DIAPH2: variants seen among roughly 807,000 people sequenced by gnomAD.
The protein encoded by DIAPH2 is diaphanous related formin 2, also known as protein diaphanous homolog 2.
A neutral mutation model predicts 92.7 loss-of-function variants in DIAPH2; 35 were observed. The observed-to-expected ratio is 0.38, with a 90% CI of 0.29 to 0.50. The LOEUF is 0.50. Among genes scored for constraint, DIAPH2 ranks in the 20% least tolerant of loss-of-function variants. The probability of loss-of-function intolerance (pLI) is 0.94; values close to 1 mark genes in which losing one functional copy is unlikely to be tolerated. For synonymous variants in DIAPH2, 301 were observed against 280.4 expected (o/e 1.07, Z -0.73); for missense variants, 701 against 819.5 (o/e 0.86, Z 1.77).
At chrX:96,959,978 A>T (rs1299178915) in intron 16 of DIAPH2, among the ~76,000 whole-genome samples, 1 of 111,127 alleles carries the variant, frequency 9.0e-6, no homozygotes, top group East Asian at 2.8e-4. Flanking sequence ...TGGTGTATAT[A>T]TCTCTTTTTA....
intron 17 of DIAPH2, among the ~76,000 whole-genome samples, chrX:96,990,286 T>C (rs956307322): frequency 6.2e-5 from 7 of 112,359 alleles, no homozygotes; most frequent in Non-Finnish European, 1.3e-4. Flanking sequence ...AGGGCTTTTG[T>C]TCTGGTTATT....
rs183208394 is a variant in DIAPH2 at position 96,750,248 on chromosome X, G to A, written c.343-7906G>A. ...TTGCCATGTCGGCCAGGCTGGTCTCGAACTCCTGACCTCAGGTGATCCGCC... is the reference window on the plus strand; with the variant it reads ...TTGCCATGTCGGCCAGGCTGGTCTCAAACTCCTGACCTCAGGTGATCCGCC... On this transcript the variant is annotated intron_variant, in intron 3 of 26. Transcript: ENST00000324765. Among the ~76,000 whole-genome samples, 348 of 109,624 alleles carry A rather than the reference G, an allele frequency of 3.2e-3. 2 individuals are homozygous for A. Among genetic ancestry groups the A allele is most frequent in the Non-Finnish European group, 5.2e-3 (274 of 52,649 alleles).
chrX:97,379,269 A>G (rs2147727902), intron 24 of DIAPH2, among the ~76,000 whole-genome samples: 1 of 111,682 alleles, frequency 9.0e-6, no homozygotes, highest in Admixed American at 9.5e-5. Flanking sequence ...TTATGTCCTC[A>G]TAACTTCCCC....
intron 26 of DIAPH2, among the ~76,000 whole-genome samples, chrX:97,483,744 T>C (rs2070668403): frequency 8.9e-6 from 1 of 111,925 alleles, no homozygotes; most frequent in Non-Finnish European, 1.9e-5. Flanking sequence ...ATTGAATGTG[T>C]CATACATATG....
chrX:96,767,080 C>G (rs909784874), intron 4 of DIAPH2, among the ~76,000 whole-genome samples: 1 of 111,606 alleles, frequency 9.0e-6, no homozygotes. Context: ...CCATTTCCAC[C>G]TACAGTAATA....
rs770780487 is a variant in DIAPH2 at position 97,389,803 on chromosome X, A to T, written c.3145+5759A>T. ...TCCCCTCAAGGAGTTCTGGGCTGGG[A>T]TGTTTAAGTGGATCTCGGAGAGTAG... On this transcript the variant is annotated intron_variant, in intron 25 of 26. Coordinates refer to ENST00000324765, the MANE Select transcript of DIAPH2 (RefSeq NM_006729.5). Among the ~76,000 whole-genome samples the T allele has an allele frequency of 1.5e-4, 16 of 110,310 alleles. No individual in the cohort carries two copies. The Admixed American group carries it at 1.6e-3, about 11-fold the overall frequency.
intron 17 of DIAPH2, among the ~76,000 whole-genome samples, chrX:97,035,783 C>A (rs2143037): frequency 2.7e-5 from 3 of 109,172 alleles, no homozygotes; most frequent in Non-Finnish European, 5.7e-5. Flanking sequence ...CTGAGATGGG[C>A]GGATTGCTTG....
chrX:96,952,359 T>A (rs1286323824), intron 15 of DIAPH2, among the ~76,000 whole-genome samples: 1 of 111,954 alleles, frequency 8.9e-6, no homozygotes, highest in South Asian at 3.7e-4. Flanking sequence ...CTTGTCTACC[T>A]ATGAGTGTTA....
At chrX:97,281,534 GGAGATCGAGAC>G (rs957259158) in intron 23 of DIAPH2, among the ~76,000 whole-genome samples, 1 of 110,986 alleles carries the variant, frequency 9.0e-6, no homozygotes, top group Admixed American at 9.7e-5. Flanking sequence ...CACGAGGTCA[GGAGATCGAGAC>G]CATCCTGGCT....
chrX:97,458,384 G>T (rs1424603150), intron 26 of DIAPH2, among the ~76,000 whole-genome samples: 1 of 103,508 alleles, frequency 9.7e-6, no homozygotes, highest in Non-Finnish European at 2.0e-5. Context: ...GATTACAGAT[G>T]TGAGCCACCA....
intron 4 of DIAPH2, among the ~76,000 whole-genome samples, chrX:96,821,326 ACT>A (rs2064776398): frequency 9.1e-6 from 1 of 109,454 alleles, no homozygotes; most frequent in African/African-American, 3.3e-5. Context: ...ATTCTCCTTC[ACT>A]CTTTTTTTTC....
intron 17 of DIAPH2, among the ~76,000 whole-genome samples, chrX:97,023,500 C>T (rs923449394): frequency 2.7e-5 from 3 of 111,323 alleles, no homozygotes; most frequent in Admixed American, 1.9e-4. Context: ...AAAATCGAAG[C>T]GTAAAGAGCT....
At chrX:96,731,422 T>C (rs2064054834) in intron 1 of DIAPH2, among the ~76,000 whole-genome samples, 1 of 111,727 alleles carries the variant, frequency 9.0e-6, no homozygotes, top group Non-Finnish European at 1.9e-5. Flanking sequence ...AGTCAAATAG[T>C]GCGAATACGT....
chrX:97,461,073 A>G (rs1044051384), intron 26 of DIAPH2, among the ~76,000 whole-genome samples: 2 of 111,775 alleles, frequency 1.8e-5, no homozygotes, highest in Non-Finnish European at 3.8e-5. Flanking sequence ...AAAGGAGTCA[A>G]TTGAAATGGC....
At chrX:97,288,261 A>T (rs2068561930) in intron 23 of DIAPH2, among the ~76,000 whole-genome samples, 1 of 111,567 alleles carries the variant, frequency 9.0e-6, no homozygotes, top group Non-Finnish European at 1.9e-5. Flanking sequence ...TCACCCTAGT[A>T]TAACAGCAGA....
At chrX:96,880,758 C>T (rs779479957) in intron 4 of DIAPH2, among the ~76,000 whole-genome samples, 17 of 111,278 alleles carry the variant, frequency 1.5e-4, no homozygotes, top group African/African-American at 4.2e-4. Flanking sequence ...TGATTAGGTA[C>T]GTCTAGAATG....
At chrX:97,435,639 C>T (rs963756916) in intron 26 of DIAPH2, among the ~76,000 whole-genome samples, 7 of 111,350 alleles carry the variant, frequency 6.3e-5, no homozygotes, top group African/African-American at 2.0e-4. Context: ...TGTGTTGTTA[C>T]AGCCTTTGTT....
intron 22 of DIAPH2, among the ~76,000 whole-genome samples, chrX:97,202,769 A>G: frequency 8.9e-6 from 1 of 112,141 alleles, no homozygotes; most frequent in Middle Eastern, 4.6e-3. Context: ...TGTTTGACAG[A>G]TTAACAAGAC....
intron 25 of DIAPH2, among the ~76,000 whole-genome samples, chrX:97,418,878 T>C (rs1173032114): frequency 1.8e-5 from 2 of 111,844 alleles, no homozygotes; most frequent in Non-Finnish European, 3.8e-5. Flanking sequence ...GAAATGAATG[T>C]GTAATTGTTG....
Sources: allele counts gnomAD v4.1 joint callset (sites outside exome capture counted in the v4.1 genomes callset), GRCh38; gene constraint gnomAD v4.1.1; transcripts MANE v1.5; gene names NCBI Gene and HGNC (gene_info 2026-07-23, HGNC 2026-07-21).